Variants in AUTS2 observed in about 807,000 individuals in gnomAD.
The protein encoded by AUTS2 is activator of transcription and developmental regulator AUTS2, also known as autism susceptibility gene 2 protein.
A neutral mutation model predicts 112.4 loss-of-function variants in AUTS2; 17 were observed. The observed-to-expected ratio is 0.15, with a 90% CI of 0.10 to 0.23. The LOEUF is 0.23. Ranked by LOEUF, AUTS2 falls within the 10% of genes least tolerant of loss-of-function variation. The pLI is 1.00. For synonymous variants in AUTS2, 751 were observed against 702.7 expected, an observed-to-expected ratio of 1.07 and a Z score of -1.09; for missense variants, 1,510 against 1,701.6, an observed-to-expected ratio of 0.89 and a Z score of 1.98.
intron 2 of AUTS2, among the ~76,000 whole-genome samples, chr7:69,972,666 CGTGCATGTGT>C (rs762022921): frequency 6.1e-5 from 8 of 131,890 alleles, no homozygotes; most frequent in African/African-American, 1.7e-4. Flanking sequence ...TGTGTGTGTG[CGTGCATGTGT>C]GTGTGTGTGT....
chr7:70,622,774 C>T (rs1164591067), intron 5 of AUTS2, among the ~76,000 whole-genome samples: 8 of 152,178 alleles, frequency 5.3e-5, no homozygotes, highest in Non-Finnish European at 1.2e-4. Flanking sequence ...AGCCTTTACA[C>T]GTCTTTCATC....
chr7:69,901,937 G>GT (rs1419039395), intron 2 of AUTS2, among the ~76,000 whole-genome samples: 1 of 152,148 alleles, frequency 6.6e-6, no homozygotes, highest in Non-Finnish European at 1.5e-5. Context: ...GGGTCCCATA[G>GT]TTTTTTAAAT....
intron 5 of AUTS2, among the ~76,000 whole-genome samples, chr7:70,642,050 A>G (rs1300401540): frequency 6.6e-6 from 1 of 152,196 alleles, no homozygotes; most frequent in Non-Finnish European, 1.5e-5. Context: ...TCTGCAATCT[A>G]CCTGCGGTGC....
intron 5 of AUTS2, among the ~76,000 whole-genome samples, chr7:70,484,038 G>T (rs1797890483): frequency 6.6e-6 from 1 of 152,170 alleles, no homozygotes; most frequent in South Asian, 2.1e-4. Context: ...AAAAATGCTT[G>T]AATTATTATG....
At chr7:70,035,479 G>T (rs149089661) in intron 2 of AUTS2, among the ~76,000 whole-genome samples, 1 of 152,112 alleles carries the variant, frequency 6.6e-6, no homozygotes, top group Admixed American at 6.6e-5. Context: ...TTTTTATCAC[G>T]TTTGATTTGT....
chr7:69,734,185 G>T (rs1786927032), intron 1 of AUTS2, among the ~76,000 whole-genome samples: 1 of 152,066 alleles, frequency 6.6e-6, no homozygotes, highest in East Asian at 1.9e-4. Flanking sequence ...CCAAATGTAG[G>T]TTAATACCTT....
chr7:70,774,501 C>T (rs1353952466), intron 12 of AUTS2: 1 of 179,954 alleles, frequency 5.6e-6, no homozygotes, highest in Non-Finnish European at 1.2e-5. Flanking sequence ...TCAGGCTACA[C>T]ACATCCCCCC....
intron 4 of AUTS2, among the ~76,000 whole-genome samples, chr7:70,211,782 C>G (rs940735528): frequency 6.0e-4 from 91 of 151,490 alleles, no homozygotes; most frequent in Admixed American, 2.3e-3. Flanking sequence ...GTCAGGAGAT[C>G]GAGACCATCC....
chr7:69,942,195 A>G (rs532227712), intron 2 of AUTS2, among the ~76,000 whole-genome samples: 145 of 152,280 alleles, frequency 9.5e-4, no homozygotes, highest in African/African-American at 3.3e-3. Flanking sequence ...TCCCACTTAA[A>G]TATCAGGTCC....
chr7:70,171,198 A>G (rs957164585), intron 4 of AUTS2, among the ~76,000 whole-genome samples: 5 of 152,210 alleles, frequency 3.3e-5, no homozygotes, highest in African/African-American at 4.8e-5. Flanking sequence ...TTAGTACTCT[A>G]TTGTTCCCAA....
chr7:70,293,544 C>T (rs1788800588), intron 4 of AUTS2: 1 of 152,098 alleles, frequency 6.6e-6, no homozygotes. Context: ...CATGATTTCA[C>T]ATGATTTCCA....
At chr7:69,730,845 G>A (rs1786761870) in intron 1 of AUTS2, among the ~76,000 whole-genome samples, 1 of 152,192 alleles carries the variant, frequency 6.6e-6, no homozygotes, top group African/African-American at 2.4e-5. Context: ...CAGACATTAA[G>A]GGTCTGATTA....
chr7:69,619,689 C>G (rs1793565899), intron 1 of AUTS2, among the ~76,000 whole-genome samples: 2 of 152,186 alleles, frequency 1.3e-5, no homozygotes, highest in Non-Finnish European at 2.9e-5. Context: ...CGTCTGCCCA[C>G]TCATTCATTC....
At chr7:70,715,477 C>T (rs1810307945) in intron 6 of AUTS2, among the ~76,000 whole-genome samples, 2 of 152,088 alleles carry the variant, frequency 1.3e-5, no homozygotes, top group South Asian at 4.2e-4. Context: ...TGAACCTTTC[C>T]TGTGGCACTT....
chr7:69,650,830 A>G (rs985771783), intron 1 of AUTS2, among the ~76,000 whole-genome samples: 43 of 152,058 alleles, frequency 2.8e-4, no homozygotes, highest in African/African-American at 1.0e-3. Flanking sequence ...GGGTCTCACT[A>G]TGTGGCATGC....
At chr7:70,702,154 C>G (rs1010445628) in intron 6 of AUTS2, among the ~76,000 whole-genome samples, 1 of 152,198 alleles carries the variant, frequency 6.6e-6, no homozygotes, top group Non-Finnish European at 1.5e-5. Flanking sequence ...TCCTAAAACT[C>G]TTGGATTGCT....
chr7:69,842,764 C>T (rs1792036817), intron 1 of AUTS2, among the ~76,000 whole-genome samples: 2 of 152,120 alleles, frequency 1.3e-5, no homozygotes, highest in South Asian at 4.1e-4. Context: ...GCTTCTGGTC[C>T]TGTGATCTCA....
At chr7:69,650,119 C>T (rs1323790669) in intron 1 of AUTS2, among the ~76,000 whole-genome samples, 3 of 152,040 alleles carry the variant, frequency 2.0e-5, no homozygotes, top group Non-Finnish European at 2.9e-5. Context: ...ATGGCAAAAT[C>T]ATTTATTGGG....
chr7:70,710,590 G>T (rs73165366), intron 6 of AUTS2, among the ~76,000 whole-genome samples: 9,124 of 152,308 alleles, frequency 0.06, 325 homozygotes, highest in Non-Finnish European at 0.086. Flanking sequence ...TCGATGCGCA[G>T]TCTTCTTGTG....
Sources: gnomAD v4.1 joint callset for allele counts (sites outside exome capture counted in the v4.1 genomes callset) on GRCh38, gnomAD v4.1.1 for gene constraint, MANE v1.5 for transcripts, NCBI Gene and HGNC (gene_info 2026-07-23, HGNC 2026-07-21) for gene names.